MAP2: variants seen among roughly 807,000 people sequenced by gnomAD.
MAP2 encodes microtubule associated protein 2, also known as microtubule-associated protein 2.
A neutral mutation model predicts 137.6 loss-of-function variants in MAP2; 14 were observed. That is an observed-to-expected ratio of 0.10 (90% confidence interval 0.07 to 0.16). MAP2 has a LOEUF of 0.16. Ranked by LOEUF, MAP2 falls within the 10% of genes least tolerant of loss-of-function variation. The pLI is 1.00. For missense variants in MAP2, 2,088 were observed against 2,191.5 expected, an observed-to-expected ratio of 0.95 and a Z score of 0.94; for synonymous variants, 786 against 782.3, an observed-to-expected ratio of 1.00 and a Z score of -0.08.
At chr2:209,723,601 AT>A (rs1559668943) in intron 13 of MAP2, 3 of 1,608,944 alleles carry the variant, frequency 1.9e-6, no homozygotes, top group Non-Finnish European at 2.6e-6. Context: ...TTAGGTTAGG[AT>A]TTTAAACAAG....
chr2:209,427,662 A>G (rs2149245543), intron 1 of MAP2, among the ~76,000 whole-genome samples: 2 of 152,340 alleles, frequency 1.3e-5, no homozygotes, highest in South Asian at 4.1e-4. Context: ...TAAGGAGAGC[A>G]CTTATTACCA....
At chr2:209,584,625 T>C (rs6726061) in intron 3 of MAP2, among the ~76,000 whole-genome samples, 102,077 of 151,978 alleles carry the variant, frequency 0.67, 40,418 homozygotes, top group Non-Finnish European at 0.87. Flanking sequence ...ATTTGTTTTA[T>C]AGCTCTGTGT....
intron 14 of MAP2, among the ~76,000 whole-genome samples, chr2:209,727,255 C>T (rs1297737023): frequency 4.6e-5 from 7 of 152,186 alleles, no homozygotes; most frequent in Admixed American, 4.6e-4. Flanking sequence ...CTTTGAAATT[C>T]TCCTGTCCAC....
At chr2:209,707,338 A>G (rs1644948528) in intron 12 of MAP2, among the ~76,000 whole-genome samples, 1 of 152,170 alleles carries the variant, frequency 6.6e-6, no homozygotes, top group Non-Finnish European at 1.5e-5. Context: ...TAACACATTG[A>G]TAATTTTAAA....
chr2:209,448,905 A>G (rs1290487937), intron 1 of MAP2, among the ~76,000 whole-genome samples: 1 of 152,166 alleles, frequency 6.6e-6, no homozygotes, highest in Non-Finnish European at 1.5e-5. Context: ...CCACCATTTA[A>G]CCACCATACC....
chr2:209,574,815 T>C (rs975014872), intron 2 of MAP2, among the ~76,000 whole-genome samples: 1 of 152,200 alleles, frequency 6.6e-6, no homozygotes, highest in Non-Finnish European at 1.5e-5. Context: ...TGTTCAGTGA[T>C]TTTGGATATC....
intron 1 of MAP2, among the ~76,000 whole-genome samples, chr2:209,432,782 T>C (rs1694665574): frequency 6.6e-6 from 1 of 152,182 alleles, no homozygotes; most frequent in South Asian, 2.1e-4. Flanking sequence ...CTGAAGTGTC[T>C]TTATGTGGTA....
chr2:209,536,898 A>G (rs2066032025), intron 2 of MAP2, among the ~76,000 whole-genome samples: 1 of 152,186 alleles, frequency 6.6e-6, no homozygotes, highest in Non-Finnish European at 1.5e-5. Flanking sequence ...ATTGGGTTGC[A>G]TCGAACCAGT....
At chr2:209,448,669 A>T (rs539963520) in intron 1 of MAP2, among the ~76,000 whole-genome samples, 1 of 152,064 alleles carries the variant, frequency 6.6e-6, no homozygotes, top group African/African-American at 2.4e-5. Flanking sequence ...TTGTGGCTAC[A>T]TCACTCCAAT....
rs541318309 is a variant in MAP2 at position 209,617,149 on chromosome 2, C to T, written c.-106-7904C>T. 9.2e-5 allele frequency among the ~76,000 whole-genome samples: 14 copies of T among 152,060 alleles called. No homozygotes were observed. The South Asian group carries it at 2.9e-3, about 32-fold the overall frequency. The stretch of plus-strand genomic sequence containing the variant: ...AGAGGGCTCTGGTTTCTATGACCCA[C>T]CTTAAGGAACAGGGATTCTAGTTTC... On this transcript the variant is annotated intron_variant, in intron 3 of 15. Coordinates refer to ENST00000682079, the MANE Select transcript of MAP2 (RefSeq NM_001375505.1).
intron 1 of MAP2, among the ~76,000 whole-genome samples, chr2:209,448,305 A>G (rs752868570): frequency 1.8e-4 from 28 of 152,202 alleles, no homozygotes; most frequent in Middle Eastern, 3.4e-3. Flanking sequence ...TGAAAAGACC[A>G]TTTCAGTAGT....
chr2:209,643,377 G>A (rs367891933), intron 4 of MAP2, among the ~76,000 whole-genome samples: 1 of 152,044 alleles, frequency 6.6e-6, no homozygotes, highest in African/African-American at 2.4e-5. Flanking sequence ...ATCCCAGGAG[G>A]GAAAGTTCTA....
intron 5 of MAP2, 62 bp from the exon 6 acceptor site, chr2:209,678,510 T>A (rs1167538368): frequency 2.4e-6 from 2 of 825,164 alleles, no homozygotes; most frequent in Non-Finnish European, 3.8e-6. Flanking sequence ...TTTGGTTACT[T>A]TTCCTCTTTG....
At chr2:209,662,082 A>G (rs2043919233) in intron 5 of MAP2, among the ~76,000 whole-genome samples, 1 of 152,238 alleles carries the variant, frequency 6.6e-6, no homozygotes, top group Non-Finnish European at 1.5e-5. Flanking sequence ...TGGTTTCTCA[A>G]GACTTGTTTC....
chr2:209,605,088 C>T (rs915367685), intron 3 of MAP2, among the ~76,000 whole-genome samples: 6 of 151,932 alleles, frequency 3.9e-5, no homozygotes, highest in Non-Finnish European at 8.8e-5. Flanking sequence ...TACATCAGAT[C>T]TGAAAAAAAT....
At chr2:209,590,434 C>T (rs928417102) in intron 3 of MAP2, among the ~76,000 whole-genome samples, 3 of 152,158 alleles carry the variant, frequency 2.0e-5, no homozygotes, top group Non-Finnish European at 4.4e-5. Context: ...CTCCCGGATT[C>T]AAGTGATTCT....
intron 1 of MAP2, among the ~76,000 whole-genome samples, chr2:209,499,702 G>T (rs2060158252): frequency 6.6e-6 from 1 of 152,154 alleles, no homozygotes; most frequent in African/African-American, 2.4e-5. Context: ...TTTTACTCAT[G>T]GTGGAGAGCA....
At chr2:209,605,416 A>C (rs1018598679) in intron 3 of MAP2, among the ~76,000 whole-genome samples, 22 of 152,190 alleles carry the variant, frequency 1.4e-4, no homozygotes, top group African/African-American at 4.8e-4. Context: ...AGTTGGAGGC[A>C]ATGTTTAGTT....
At chr2:209,682,419 A>G (rs2055036349) in intron 7 of MAP2, among the ~76,000 whole-genome samples, 1 of 152,158 alleles carries the variant, frequency 6.6e-6, no homozygotes, top group Non-Finnish European at 1.5e-5. Context: ...TGAACCCAGA[A>G]GGCGGAGGTT....
Sources: gnomAD v4.1 joint callset for allele counts (sites outside exome capture counted in the v4.1 genomes callset) on GRCh38, gnomAD v4.1.1 for gene constraint, MANE v1.5 for transcripts, NCBI Gene and HGNC (gene_info 2026-07-23, HGNC 2026-07-21) for gene names.